Variants in RNF128 observed in about 807,000 individuals in gnomAD.
RNF128 encodes the protein E3 ubiquitin-protein ligase RNF128.
A neutral mutation model predicts 26.2 loss-of-function variants in RNF128; 13 were observed. That is an observed-to-expected ratio of 0.50 (90% CI 0.32 to 0.79). The LOEUF (loss-of-function observed/expected upper bound fraction) is 0.79. Ranked by LOEUF, RNF128 falls within the 30% of genes least tolerant of loss-of-function variation. RNF128 has a pLI of 0.03. For synonymous variants in RNF128, 149 were observed against 142.5 expected, an observed-to-expected ratio of 1.05 and a Z score of -0.32; for missense variants, 315 against 349.7, an observed-to-expected ratio of 0.90 and a Z score of 0.79.
chrX:106,734,101 C>G (rs1486798808), intron 1 of RNF128, among the ~76,000 whole-genome samples: 1 of 111,606 alleles, frequency 9.0e-6, no homozygotes, highest in Admixed American at 9.6e-5. Flanking sequence ...AAGAATTTCT[C>G]CATGTATCTA....
At chrX:106,788,326 TATATATACTATATATA>T (rs1930696219) in intron 4 of RNF128, among the ~76,000 whole-genome samples, 1 of 55,838 alleles carries the variant, frequency 1.8e-5, no homozygotes, top group Non-Finnish European at 3.0e-5. Context: ...GTATTAATAT[TATATATACTATATATA>T]ATATATATTA....
chrX:106,733,956 C>T (rs1211101001), intron 1 of RNF128, among the ~76,000 whole-genome samples: 1 of 112,076 alleles, frequency 8.9e-6, no homozygotes, highest in African/African-American at 3.2e-5. Flanking sequence ...CTGCTTTAGC[C>T]TCCCAAAGTG....
intron 1 of RNF128, among the ~76,000 whole-genome samples, chrX:106,768,941 A>C (rs1191896243): frequency 8.9e-6 from 1 of 112,249 alleles, no homozygotes; most frequent in Non-Finnish European, 1.9e-5. Context: ...GTTTCAAAGA[A>C]CATCTTTATT....
chrX:106,752,175 C>T (rs1929904655), intron 1 of RNF128, among the ~76,000 whole-genome samples: 1 of 111,177 alleles, frequency 9.0e-6, no homozygotes, highest in African/African-American at 3.3e-5. Flanking sequence ...GGATTCACCA[C>T]CTGCTGATTA....
intron 1 of RNF128, among the ~76,000 whole-genome samples, chrX:106,728,119 T>C (rs1929438917): frequency 8.9e-6 from 1 of 112,035 alleles, no homozygotes; most frequent in Non-Finnish European, 1.9e-5. Context: ...TCTTAAATTC[T>C]TGGAGATGGT....
intron 1 of RNF128, among the ~76,000 whole-genome samples, chrX:106,741,956 T>A (rs1031379143): frequency 4.5e-5 from 5 of 111,720 alleles, no homozygotes; most frequent in African/African-American, 1.3e-4. Context: ...GAGGTTCAAT[T>A]TTATTCCGTA....
intron 1 of RNF128, among the ~76,000 whole-genome samples, chrX:106,731,646 G>A (rs1602371094): frequency 1.8e-5 from 2 of 111,126 alleles, no homozygotes; most frequent in African/African-American, 6.5e-5. Context: ...CCCAAGTAGT[G>A]TCTTCCTTCC....
intron 1 of RNF128, among the ~76,000 whole-genome samples, chrX:106,747,856 T>G (rs979359891): frequency 8.9e-6 from 1 of 112,344 alleles, no homozygotes; most frequent in South Asian, 3.7e-4. Flanking sequence ...TGGATCATAT[T>G]CTTCCTAGTG....
intron 1 of RNF128, among the ~76,000 whole-genome samples, chrX:106,713,328 G>A (rs1929161901): frequency 1.8e-5 from 2 of 109,811 alleles, no homozygotes; most frequent in South Asian, 7.8e-4. Flanking sequence ...GGCCAACAGG[G>A]CGAAACCCCG....
At chrX:106,740,788 T>C (rs1397911409) in intron 1 of RNF128, among the ~76,000 whole-genome samples, 2 of 111,471 alleles carry the variant, frequency 1.8e-5, no homozygotes, top group Non-Finnish European at 3.8e-5. Flanking sequence ...TGATCATTTG[T>C]ATAAATTTTC....
intron 1 of RNF128, among the ~76,000 whole-genome samples, chrX:106,758,757 C>T (rs768224215): frequency 8.9e-6 from 1 of 111,739 alleles, no homozygotes; most frequent in Admixed American, 9.6e-5. Context: ...AGACCCGTAT[C>T]TCCTGCCATA....
chrX:106,739,685 C>T (rs1929664511), intron 1 of RNF128, among the ~76,000 whole-genome samples: 1 of 111,569 alleles, frequency 9.0e-6, no homozygotes. Flanking sequence ...AAGATAAGGA[C>T]ATAAGTGAGA....
intron 3 of RNF128, among the ~76,000 whole-genome samples, chrX:106,785,516 G>T (rs1450623894): frequency 1.8e-5 from 2 of 111,333 alleles, no homozygotes; most frequent in Non-Finnish European, 3.8e-5. Context: ...GCAAGAGGGT[G>T]GGGTGATACA....
chrX:106,755,863 A>G (rs1431428974), intron 1 of RNF128, among the ~76,000 whole-genome samples: 6 of 110,704 alleles, frequency 5.4e-5, no homozygotes, highest in African/African-American at 2.0e-4. Context: ...AATCTCCTTA[A>G]GCTGATAAGC....
At chrX:106,738,796 T>C (rs1319772292) in intron 1 of RNF128, among the ~76,000 whole-genome samples, 1 of 111,510 alleles carries the variant, frequency 9.0e-6, no homozygotes, top group Admixed American at 9.5e-5. Context: ...CTCTATGTCA[T>C]AGGGTTATTG....
Position 106,747,859 on chromosome X carries a change from T to C in RNF128, c.484+20462T>C, listed in dbSNP as rs1031348478. On this transcript the variant is annotated intron_variant, in intron 1 of 6. Transcript: ENST00000255499. ...ATTTCACTGGCTTGGATCATATTCT[T>C]CCTAGTGATGAATATCTAACATACG... 3.6e-4 allele frequency among the ~76,000 whole-genome samples: 40 copies of C among 112,296 alleles called. 1 individual carries two copies. Among genetic ancestry groups the C allele is most frequent in the Admixed American group, 3.8e-4 (4 of 10,569 alleles).
At chrX:106,771,994 T>C (rs1930381631) in intron 1 of RNF128, among the ~76,000 whole-genome samples, 1 of 112,392 alleles carries the variant, frequency 8.9e-6, no homozygotes. Flanking sequence ...TAGTTGGTTA[T>C]ACCTTAACAT....
At chrX:106,766,009 G>C (rs932374251) in intron 1 of RNF128, among the ~76,000 whole-genome samples, 2 of 110,019 alleles carry the variant, frequency 1.8e-5, no homozygotes, top group Non-Finnish European at 3.8e-5. Context: ...CAGAATGATG[G>C]TTTCTAGCTT....
At chrX:106,749,141 G>C (rs1298015946) in intron 1 of RNF128, among the ~76,000 whole-genome samples, 1 of 111,717 alleles carries the variant, frequency 9.0e-6, no homozygotes. Flanking sequence ...TTCTGGTCCT[G>C]TGTATGTTTT....
Sources: gnomAD v4.1 joint callset for allele counts (sites outside exome capture counted in the v4.1 genomes callset) on GRCh38, gnomAD v4.1.1 for gene constraint, MANE v1.5 for transcripts, NCBI Gene and HGNC (gene_info 2026-07-23, HGNC 2026-07-21) for gene names.